NHERF1: variants seen among roughly 807,000 people sequenced by gnomAD.
NHERF1 encodes NHERF family PDZ scaffold protein 1.
the NHERF1 span, chr17:74,761,963 G>T: frequency 1.2e-6 from 2 of 1,604,802 alleles, no homozygotes; most frequent in South Asian, 1.1e-5. This position sits in a 1 kb window ranked among gnomAD's most constrained non-coding sequence, Gnocchi z 4.3. Flanking sequence ...AGGGAAGGCA[G>T]AACCTGGGGC....
the NHERF1 span, chr17:74,768,314 G>A: frequency 7.2e-7 from 1 of 1,393,582 alleles, no homozygotes; most frequent in Non-Finnish European, 1.0e-6. Flanking sequence ...TGGCACACCA[G>A]CCTGCCTTTG....
chr17:74,758,283 G>A, the NHERF1 span, among the ~76,000 whole-genome samples: 16 of 152,352 alleles, frequency 1.1e-4, no homozygotes, highest in East Asian at 5.8e-4. This position sits in a 1 kb window ranked among gnomAD's most constrained non-coding sequence, Gnocchi z 4.3. Flanking sequence ...CTTAGGGCGC[G>A]GTGAAGCTCC....
At chr17:74,765,278 T>G in the NHERF1 span, among the ~76,000 whole-genome samples, 1 of 152,202 alleles carries the variant, frequency 6.6e-6, no homozygotes, top group South Asian at 2.1e-4. Context: ...TTCTTTTTTT[T>G]GAGATGGAGT....
chr17:74,768,610 C>A, the NHERF1 span: 15 of 1,614,098 alleles, frequency 9.3e-6, no homozygotes, highest in East Asian at 3.3e-4. Flanking sequence ...AAACGGGCCC[C>A]GCAGATGGAC....
chr17:74,754,009 C>T, the NHERF1 span, among the ~76,000 whole-genome samples: 2 of 151,960 alleles, frequency 1.3e-5, no homozygotes, highest in Middle Eastern at 3.4e-3. Context: ...ACTAAAAATA[C>T]AAAAATTAGC....
the NHERF1 span, chr17:74,748,994 A>G: frequency 6.2e-7 from 1 of 1,608,962 alleles, no homozygotes; most frequent in Non-Finnish European, 8.5e-7. The surrounding 1 kb of genome is among the most constrained non-coding windows in gnomAD (Gnocchi z 4.3). Context: ...GCCGGCCGAG[A>G]AGGCGGGGCT....
chr17:74,751,467 CA>C, the NHERF1 span, among the ~76,000 whole-genome samples: 1 of 152,316 alleles, frequency 6.6e-6, no homozygotes, highest in Admixed American at 6.5e-5. The surrounding 1 kb of genome is among the most constrained non-coding windows in gnomAD (Gnocchi z 4.3). Context: ...GTGATGATAT[CA>C]GTGGAAAAGT....
chr17:74,763,325 C>T, the NHERF1 span: 5 of 1,590,132 alleles, frequency 3.1e-6, no homozygotes, highest in South Asian at 5.7e-5. Context: ...GCCCCAGAAC[C>T]AAGGCCTGTG....
chr17:74,749,244 A>C, the NHERF1 span: 1 of 1,529,360 alleles, frequency 6.5e-7, no homozygotes. This position sits in a 1 kb window ranked among gnomAD's most constrained non-coding sequence, Gnocchi z 5.6. Context: ...GGGGCTGGCA[A>C]CGAAAATGAG....
the NHERF1 span, among the ~76,000 whole-genome samples, chr17:74,760,123 G>T: frequency 6.6e-6 from 1 of 152,336 alleles, no homozygotes; most frequent in East Asian, 1.9e-4. This position sits in a 1 kb window ranked among gnomAD's most constrained non-coding sequence, Gnocchi z 4.5. Context: ...AGGCGGCCCG[G>T]GGGAGGGCCT....
At chr17:74,749,067 A>T in the NHERF1 span, 1 of 1,594,152 alleles carries the variant, frequency 6.3e-7, no homozygotes. This position sits in a 1 kb window ranked among gnomAD's most constrained non-coding sequence, Gnocchi z 5.6. Flanking sequence ...ACCCACCAGC[A>T]GGTGGTGAGC....
the NHERF1 span, chr17:74,763,112 C>T: frequency 2.3e-6 from 1 of 427,060 alleles, no homozygotes; most frequent in Non-Finnish European, 4.2e-6. Flanking sequence ...TCTCTCCCAG[C>T]TGTGTTTGTT....
At chr17:74,748,660 T>C in the NHERF1 span, 1 of 581,414 alleles carries the variant, frequency 1.7e-6, no homozygotes, top group East Asian at 3.0e-5. The surrounding 1 kb of genome is among the most constrained non-coding windows in gnomAD (Gnocchi z 4.3). Flanking sequence ...TGGTCTGTGG[T>C]CCTCTCTCGG....
chr17:74,752,496 G>GTT, the NHERF1 span, among the ~76,000 whole-genome samples: 1 of 150,910 alleles, frequency 6.6e-6, no homozygotes, highest in Non-Finnish European at 1.5e-5. Context: ...CACTTTTTTT[G>GTT]TTTTTGTTTT....
At chr17:74,749,203 GGCCGAGCCGCCGGCCGCC>G in the NHERF1 span, 1 of 1,526,282 alleles carries the variant, frequency 6.6e-7, no homozygotes, top group Non-Finnish European at 8.8e-7. The surrounding 1 kb of genome is among the most constrained non-coding windows in gnomAD (Gnocchi z 5.6). Flanking sequence ...CGCCGGGGCA[GGCCGAGCCGCCGGCCGCC>G]GCCGAGGTGC....
chr17:74,754,636 AC>A, the NHERF1 span, among the ~76,000 whole-genome samples: 1 of 150,802 alleles, frequency 6.6e-6, no homozygotes, highest in Non-Finnish European at 1.5e-5. Flanking sequence ...CTGTCACAAC[AC>A]CCTGCTAATT....
At chr17:74,748,906 T>C in the NHERF1 span, 2 of 1,598,950 alleles carry the variant, frequency 1.3e-6, no homozygotes, top group Non-Finnish European at 1.7e-6. The surrounding 1 kb of genome is among the most constrained non-coding windows in gnomAD (Gnocchi z 4.3). Flanking sequence ...TGGAGAAGGG[T>C]CCGAACGGCT....
At chr17:74,766,187 TTTTTGTTTTG>T in the NHERF1 span, among the ~76,000 whole-genome samples, 16 of 151,950 alleles carry the variant, frequency 1.1e-4, no homozygotes, top group East Asian at 3.9e-4. Flanking sequence ...TGGTTTGTTT[TTTTTGTTTTG>T]TTTTGTTTTG....
the NHERF1 span, among the ~76,000 whole-genome samples, chr17:74,767,603 G>A: frequency 1.3e-5 from 2 of 152,194 alleles, no homozygotes; most frequent in African/African-American, 4.8e-5. Context: ...GAGGGCCCTT[G>A]GACCCAGCCC....
Sources: gnomAD v4.1 joint callset for allele counts (sites outside exome capture counted in the v4.1 genomes callset) on GRCh38, gnomAD v4.1.1 for gene constraint, Gnocchi (gnomAD v3.1) non-coding constraint, MANE v1.5 for transcripts, NCBI Gene and HGNC (gene_info 2026-07-23, HGNC 2026-07-21) for gene names.